Variants in EPHB1 observed in about 807,000 individuals in gnomAD.
EPHB1 encodes ephrin type-B receptor 1.
Under a neutral mutation model 94.4 loss-of-function variants are expected in EPHB1, and 30 were observed. That is an observed-to-expected ratio of 0.32 (90% CI 0.24 to 0.43). The LOEUF is 0.43. EPHB1 is among the 20% of genes least tolerant of loss of function. The pLI, the probability that EPHB1 is intolerant of heterozygous loss-of-function variation, is 1.00. For synonymous variants in EPHB1, 522 were observed against 489.1 expected, an observed-to-expected ratio of 1.07 and a Z score of -0.89; for missense variants, 1,055 against 1,308.3, an observed-to-expected ratio of 0.81 and a Z score of 2.99.
rs191759581 is a variant in EPHB1, at chr3:134,834,015, T to G, written c.58+38326T>G. ...TAGGCAAATTTACCTGTAAGAAAGC[T>G]GCCCTGACACTTGGGTGGTGGAGGG... On this transcript the variant is annotated intron_variant, in intron 1 of 15. Coordinates refer to ENST00000398015, the MANE Select transcript of EPHB1 (RefSeq NM_004441.5). Among the ~76,000 whole-genome samples the G allele has an allele frequency of 1.8e-3, 274 of 152,218 alleles. 2 individuals are homozygous for G. Among genetic ancestry groups the G allele is most frequent in the African/African-American group, 6.4e-3 (266 of 41,540 alleles).
In EPHB1 at chr3:134,908,698, A is replaced by G. The variant is rs39706; in HGVS notation, c.59-17118A>G. ...CACAAAGAGGGAGGAGAAAGGAGAG[A>G]GTGGGAAACAAGGAGGGAGAAGGCG... On this transcript the variant is annotated intron_variant, in intron 1 of 15. Transcript: ENST00000398015. Among the ~76,000 whole-genome samples, 384 of 152,118 alleles carry G rather than the reference A, an allele frequency of 2.5e-3. 2 individuals are homozygous for G. The highest frequency in any genetic ancestry group is 9.0e-3 in the African/African-American group (372 of 41,524).
At chr3:135,154,405 G>T in intron 6 of EPHB1, 129 bp downstream of exon 6, 1 of 1,358,482 alleles carries the variant, frequency 7.4e-7, no homozygotes, top group Non-Finnish European at 1.0e-6. Flanking sequence ...GAGGCCAGAA[G>T]GTCCCTGGGA....
At chr3:135,093,524 C>T (rs1229362998) in intron 3 of EPHB1, among the ~76,000 whole-genome samples, 2 of 152,090 alleles carry the variant, frequency 1.3e-5, no homozygotes, top group Non-Finnish European at 2.9e-5. Context: ...TCAAGACCAG[C>T]GTGGCCGACA....
chr3:135,040,521 C>G (rs1366013391), intron 3 of EPHB1, among the ~76,000 whole-genome samples: 1 of 152,234 alleles, frequency 6.6e-6, no homozygotes, highest in Non-Finnish European at 1.5e-5. Flanking sequence ...CAGCCCTGAC[C>G]TGCAGGAGTG....
chr3:135,055,100 A>G (rs1450268516), intron 3 of EPHB1, among the ~76,000 whole-genome samples: 2 of 152,262 alleles, frequency 1.3e-5, no homozygotes, highest in Middle Eastern at 3.4e-3. Flanking sequence ...CCAACAATCT[A>G]TTCTAAACAT....
intron 3 of EPHB1, among the ~76,000 whole-genome samples, chr3:135,061,469 G>A (rs1559814864): frequency 1.4e-5 from 2 of 145,990 alleles, no homozygotes; most frequent in African/African-American, 5.0e-5. Flanking sequence ...ACAATGTTTG[G>A]TTTTCCATTC....
At chr3:134,976,392 G>A (rs1045188756) in intron 3 of EPHB1, among the ~76,000 whole-genome samples, 11 of 152,214 alleles carry the variant, frequency 7.2e-5, no homozygotes, top group Non-Finnish European at 4.4e-5. Flanking sequence ...ACTGGGCAGG[G>A]TCAATTCACC....
chr3:135,133,652 A>G (rs1940508161), intron 5 of EPHB1, among the ~76,000 whole-genome samples: 1 of 146,252 alleles, frequency 6.8e-6, no homozygotes, highest in African/African-American at 2.5e-5. Flanking sequence ...GATGAATGAT[A>G]TGCTGCTGTT....
intron 2 of EPHB1, among the ~76,000 whole-genome samples, chr3:134,938,729 C>A (rs2039059529): frequency 6.6e-6 from 1 of 152,186 alleles, no homozygotes; most frequent in South Asian, 2.1e-4. Flanking sequence ...ACAAGGGGCT[C>A]TTACTGGGGT....
chr3:134,845,202 G>C (rs974735131), intron 1 of EPHB1, among the ~76,000 whole-genome samples: 2 of 152,204 alleles, frequency 1.3e-5, no homozygotes, highest in African/African-American at 4.8e-5. Context: ...TCAATTCTTG[G>C]AGTAGTTGTG....
At chr3:134,833,789 C>A (rs537908846) in intron 1 of EPHB1, among the ~76,000 whole-genome samples, 15 of 152,200 alleles carry the variant, frequency 9.9e-5, no homozygotes, top group Non-Finnish European at 1.8e-4. Flanking sequence ...AAGTAACCAG[C>A]CAACAGAAGG....
intron 1 of EPHB1, among the ~76,000 whole-genome samples, chr3:134,800,088 G>A (rs1425374617): frequency 6.6e-6 from 1 of 152,142 alleles, no homozygotes; most frequent in Non-Finnish European, 1.5e-5. Context: ...AACATGGGTG[G>A]TGACAGATAG....
intron 3 of EPHB1, among the ~76,000 whole-genome samples, chr3:135,018,952 G>A (rs1935898072): frequency 6.6e-6 from 1 of 152,188 alleles, no homozygotes; most frequent in Non-Finnish European, 1.5e-5. Context: ...ATTCTAAGCT[G>A]AGGCTGTGCC....
intron 1 of EPHB1, among the ~76,000 whole-genome samples, chr3:134,800,980 C>T (rs1256787593): frequency 6.6e-6 from 1 of 152,188 alleles, no homozygotes; most frequent in Non-Finnish European, 1.5e-5. Flanking sequence ...TATTTTTAGC[C>T]ACTTTGCTCC....
chr3:135,084,891 A>G (rs1404574), intron 3 of EPHB1, among the ~76,000 whole-genome samples: 122,490 of 152,142 alleles, frequency 0.81, 52,069 homozygotes, highest in Non-Finnish European at 0.94. Flanking sequence ...CAAGCCTTGT[A>G]TGTGTTCACC....
chr3:135,252,237 T>C (rs923527861), intron 15 of EPHB1, among the ~76,000 whole-genome samples: 8 of 151,880 alleles, frequency 5.3e-5, no homozygotes, highest in African/African-American at 1.7e-4. Context: ...TATTATACTT[T>C]AAGTTTTACG....
chr3:135,260,247 G>A lies in EPHB1; in HGVS notation c.*1127G>A, dbSNP rs1371179283. ...CAAGAAGTGACAAGGGAGAATTCTT[G>A]CTTTACCTATGGACTGGCTTAAGCC... On this transcript the variant is annotated 3_prime_UTR_variant, in exon 16 of 16. Transcript: ENST00000398015. 1 of 232,926 alleles carries A rather than the reference G, an allele frequency of 4.3e-6. No homozygotes were observed. Among genetic ancestry groups the A allele is most frequent in the African/African-American group, 2.2e-5 (1 of 45,304 alleles). The allele number at this position is 232,926 out of a possible 1,614,324, so 14.4% of individuals were successfully genotyped here.
At chr3:135,151,559 T>A (rs1234146736) in intron 5 of EPHB1, among the ~76,000 whole-genome samples, 1 of 152,190 alleles carries the variant, frequency 6.6e-6, no homozygotes, top group East Asian at 1.9e-4. Context: ...TTAGCTCTAG[T>A]CTCTGCTGAA....
intron 3 of EPHB1, among the ~76,000 whole-genome samples, chr3:135,021,000 T>G (rs1392935746): frequency 1.3e-5 from 2 of 152,228 alleles, no homozygotes; most frequent in Non-Finnish European, 2.9e-5. Flanking sequence ...TTAAATGTAC[T>G]TGGGTCTATT....
Sources: allele counts gnomAD v4.1 joint callset (sites outside exome capture counted in the v4.1 genomes callset), GRCh38; gene constraint gnomAD v4.1.1; transcripts MANE v1.5; gene names NCBI Gene and HGNC (gene_info 2026-07-23, HGNC 2026-07-21).